PLA2G7: variants seen among roughly 807,000 people sequenced by gnomAD.
PLA2G7 encodes platelet-activating factor acetylhydrolase.
PLA2G7 carries 63 observed loss-of-function variants against 49.6 expected under a neutral mutation model. That is an observed-to-expected ratio of 1.27 (90% CI 1.04 to 1.57). PLA2G7 has a LOEUF of 1.57. Ranked by LOEUF, PLA2G7 falls within the 40% of genes most tolerant of loss-of-function variation. The probability of loss-of-function intolerance (pLI) is 0.00; values close to 1 mark genes in which losing one functional copy is unlikely to be tolerated. For synonymous variants in PLA2G7, 193 were observed against 169.9 expected (o/e 1.14, Z -1.06); for missense variants, 596 against 521.2 (o/e 1.14, Z -1.40).
chr6:46,710,621 C>T lies in PLA2G7; in HGVS notation c.701G>A (p.Ser234Asn), dbSNP rs1053587083. ...TCCATGATCAATGTCAAGAATCAGA[C>T]TGAGAGCTTGGGAACATTCTTTTGC... is the stretch of plus-strand genomic sequence containing the variant. ...QRAKECSQAL[S>N]LILDIDHGKP... The change falls in exon 8 of 12, where the codon AGT becomes AAT. Residue 234 changes from serine to asparagine, a missense_variant. Coordinates refer to ENST00000274793, the MANE Select transcript of PLA2G7 (RefSeq NM_005084.4). The T allele has an allele frequency of 1.2e-6, 2 of 1,613,482 alleles. No individual in the cohort carries two copies. The highest frequency in any genetic ancestry group is 1.7e-5 in the Admixed American group (1 of 60,014).
chr6:46,732,368 TACACACAC>T lies in PLA2G7; in HGVS notation c.-35+2804_-35+2811del, dbSNP rs59891486. On this transcript the variant is annotated intron_variant, in intron 1 of 11. Coordinates refer to ENST00000274793, the MANE Select transcript of PLA2G7 (RefSeq NM_005084.4). ...CCCTCCCATATATCCAACACACACA[TACACACAC>T]ACACACACACACACACACACACACA... Among the ~76,000 whole-genome samples, 577 of 140,944 alleles carry T rather than the reference TACACACAC, an allele frequency of 4.1e-3. 1 individual carries two copies. The highest frequency in any genetic ancestry group is 0.012 in the African/African-American group (460 of 39,414). The allele number at this position is 140,944 out of a possible 152,430, so 92.5% of individuals were successfully genotyped here. A position where few individuals can be genotyped will look rare whatever the true frequency, so the allele number is the denominator to read the frequency against.
At chr6:46,726,381 G>T (rs1055658561) in intron 1 of PLA2G7, among the ~76,000 whole-genome samples, 1 of 152,162 alleles carries the variant, frequency 6.6e-6, no homozygotes, top group South Asian at 2.1e-4. Context: ...GAACACACAG[G>T]AATAATTCAT....
intron 8 of PLA2G7, among the ~76,000 whole-genome samples, chr6:46,710,296 T>C (rs140352398): frequency 7.9e-5 from 12 of 152,292 alleles, no homozygotes; most frequent in African/African-American, 2.4e-4. Flanking sequence ...AGTTGAACCA[T>C]ATGACATTGC....
Position 46,722,783 on chromosome 6 carries a change from C to G in PLA2G7, c.109G>C (p.Ala37Pro). The change falls in exon 2 of 12, where the codon GCA (alanine) becomes CCA (proline). Residue 37 changes from alanine (A) to proline (P), a missense_variant and splice_region_variant. Transcript: ENST00000274793. ...INPVAHMKSS[A>P]WVNKIQVLMA... The stretch of plus-strand genomic sequence containing the variant: ...GACCTTGAACAAATACACCTCTTAC[C>G]TGATGATTTCATATGGGCAACAGGA... The G allele has an allele frequency of 6.3e-7, 1 of 1,576,246 alleles. No homozygotes were observed. The highest frequency in any genetic ancestry group is 8.7e-7 in the Non-Finnish European group (1 of 1,145,488).
intron 1 of PLA2G7, among the ~76,000 whole-genome samples, chr6:46,733,598 A>G (rs1274040461): frequency 2.6e-5 from 4 of 152,216 alleles, no homozygotes; most frequent in African/African-American, 4.8e-5. Flanking sequence ...TCAGTGCCCA[A>G]GTGCAAGGAG....
intron 1 of PLA2G7, among the ~76,000 whole-genome samples, chr6:46,731,911 A>AC (rs1190722499): frequency 6.6e-6 from 1 of 151,528 alleles, no homozygotes; most frequent in African/African-American, 2.4e-5. Context: ...TACTGCTACC[A>AC]CCCCCCATCA....
In PLA2G7 at chr6:46,712,325, A is replaced by C. The variant is rs751995820; in HGVS notation, c.483T>G (p.Ser161=). ...GAGATGCCAGGTCAATGCCAATAGC[A>C]GAATAAAGTGTCCTTCAAAACAAAA... ...HGLGAFRTLY[S]AIGIDLASHG... The change falls in exon 6 of 12, where the codon TCT becomes TCG. Residue 161 remains serine (S), a synonymous_variant. Transcript: ENST00000274793. 1 of 1,611,398 alleles carries C rather than the reference A, an allele frequency of 6.2e-7. No individual in the cohort carries two copies. The highest frequency in any genetic ancestry group is 8.5e-7 in the Non-Finnish European group (1 of 1,177,672).
chr6:46,718,596 G>T (rs1765291711), intron 2 of PLA2G7, among the ~76,000 whole-genome samples: 1 of 152,176 alleles, frequency 6.6e-6, no homozygotes, highest in South Asian at 2.1e-4. Context: ...CTGCACCTTT[G>T]TAAATGCTAC....
intron 1 of PLA2G7, among the ~76,000 whole-genome samples, chr6:46,730,434 A>G (rs1765702673): frequency 6.6e-6 from 1 of 152,262 alleles, no homozygotes. Context: ...AGGTGAAAGT[A>G]TAACAGACAG....
At chr6:46,722,461 T>A (rs1197584498) in intron 2 of PLA2G7, among the ~76,000 whole-genome samples, 2 of 152,112 alleles carry the variant, frequency 1.3e-5, no homozygotes, top group African/African-American at 4.8e-5. Flanking sequence ...TGTGTGGGCA[T>A]GCGTTAGGGC....
chr6:46,705,502 C>T (rs961709011), intron 10 of PLA2G7, among the ~76,000 whole-genome samples: 1 of 152,120 alleles, frequency 6.6e-6, no homozygotes, highest in Non-Finnish European at 1.5e-5. Context: ...TATTCTTCTT[C>T]CCTCTAGAAA....
At chr6:46,707,948 T>G in intron 10 of PLA2G7, 43 bp downstream of exon 10, 1 of 1,247,778 alleles carries the variant, frequency 8.0e-7, no homozygotes, top group Non-Finnish European at 1.2e-6. Context: ...TTACCCAAGC[T>G]TCAAGTTTGT....
chr6:46,724,643 A>T (rs1326989853), intron 1 of PLA2G7, among the ~76,000 whole-genome samples: 2 of 152,210 alleles, frequency 1.3e-5, no homozygotes, highest in Non-Finnish European at 2.9e-5. Flanking sequence ...CAACAGAGTC[A>T]CTGTATCTCC....
chr6:46,704,491 C>A lies in PLA2G7; in HGVS notation c.*69G>T. On this transcript the variant is annotated 3_prime_UTR_variant, in exon 12 of 12. Coordinates refer to ENST00000274793, the MANE Select transcript of PLA2G7 (RefSeq NM_005084.4). ...TCTCTCTCTCTCTCACACACACACA[C>A]ACACACACACACACACACATAATTT... The A allele has an allele frequency of 2.3e-6, 2 of 858,598 alleles. No individual in the cohort carries two copies. Among genetic ancestry groups the A allele is most frequent in the Non-Finnish European group, 3.9e-6 (2 of 508,774 alleles). 53.2% of individuals were successfully genotyped at this position (858,598 alleles called of 1,614,324 possible).
At chr6:46,734,415 T>TGTGTGAGA (rs1765832579) in intron 1 of PLA2G7, among the ~76,000 whole-genome samples, 2 of 54,276 alleles carry the variant, frequency 3.7e-5, no homozygotes, top group Non-Finnish European at 7.9e-5. Context: ...TGTGTGTGTG[T>TGTGTGAGA]GAGAGAGAGA....
intron 1 of PLA2G7, among the ~76,000 whole-genome samples, chr6:46,724,467 G>T (rs997684159): frequency 2.6e-5 from 4 of 152,192 alleles, no homozygotes; most frequent in Non-Finnish European, 5.9e-5. Flanking sequence ...TGAAGCACTC[G>T]TTAGTATAGC....
chr6:46,714,470 C>G lies in PLA2G7; in HGVS notation c.460G>C (p.Gly154Arg), dbSNP rs748117519. The change falls in exon 5 of 12, where the codon GGG (glycine) becomes CGG (arginine). Residue 154 changes from glycine (G) to arginine (R), a missense_variant. Gly to Arg is a moderately radical substitution (Grantham distance 125). Transcript: ENST00000274793. ...YPLVVFSHGL[G>R]AFRTLYSAIG... The stretch of plus-strand genomic sequence containing the variant: ...CCTCTCAAACATTACCTGAATGCCC[C>G]AAGACCATGAGAAAAAACAACAAGT... 1.2e-6 allele frequency: 2 copies of G among 1,607,526 alleles called. No individual in the cohort carries two copies. The highest frequency in any genetic ancestry group is 8.5e-7 in the Non-Finnish European group (1 of 1,174,276).
intron 2 of PLA2G7, among the ~76,000 whole-genome samples, chr6:46,720,521 G>T (rs1430290173): frequency 6.6e-6 from 1 of 152,134 alleles, no homozygotes; most frequent in Non-Finnish European, 1.5e-5. Flanking sequence ...CCAGTGCCAG[G>T]GTGCCTGGGG....
intron 1 of PLA2G7, among the ~76,000 whole-genome samples, chr6:46,731,180 C>T (rs540991202): frequency 3.3e-5 from 5 of 152,260 alleles, no homozygotes; most frequent in South Asian, 2.1e-4. Flanking sequence ...CCTGTCTCTG[C>T]GAAGAACGTC....
Sources: allele counts gnomAD v4.1 joint callset (sites outside exome capture counted in the v4.1 genomes callset), GRCh38; gene constraint gnomAD v4.1.1; transcripts MANE v1.5; gene names NCBI Gene and HGNC (gene_info 2026-07-23, HGNC 2026-07-21).